The following SPATS2 variants were observed in gnomAD, a reference collection of about 807,000 sequenced individuals.
SPATS2 encodes spermatogenesis-associated serine-rich protein 2.
Under a neutral mutation model 63.7 loss-of-function variants are expected in SPATS2, and 38 were observed. The ratio of observed to expected loss-of-function variants is 0.60; its 90% CI spans 0.46 to 0.78. The LOEUF is 0.78. SPATS2 is among the 30% of genes least tolerant of loss of function. The pLI, the probability that SPATS2 is intolerant of heterozygous loss-of-function variation, is 0.00. For synonymous variants in SPATS2, 207 were observed against 232.9 expected, an observed-to-expected ratio of 0.89 and a Z score of 1.01; for missense variants, 588 against 666.2, an observed-to-expected ratio of 0.88 and a Z score of 1.29.
At chr12:49,397,377 A>G (rs1944529199) in intron 2 of SPATS2, among the ~76,000 whole-genome samples, 2 of 152,182 alleles carry the variant, frequency 1.3e-5, no homozygotes, top group South Asian at 4.1e-4. Context: ...TTATACAAGT[A>G]GATATTAAAA....
At chr12:49,481,641 T>G (rs1041348795) in intron 3 of SPATS2, among the ~76,000 whole-genome samples, 1 of 151,768 alleles carries the variant, frequency 6.6e-6, no homozygotes, top group African/African-American at 2.4e-5. Context: ...CTAATTTTTG[T>G]ATTTTTAGTA....
rs1946366845 is a variant in SPATS2, at chr12:49,490,673, C to T, written c.215-9C>T. On this transcript the variant is annotated splice_polypyrimidine_tract_variant and intron_variant, in intron 5 of 13. Transcript: ENST00000552918. Reference sequence around the variant, plus strand: ...AGGAGACAAAATCTGTAATTGGTTTCTCTTACAGGTAGTGCCAGTGAAGTA... The same window carrying T: ...AGGAGACAAAATCTGTAATTGGTTTTTCTTACAGGTAGTGCCAGTGAAGTA... 6.2e-7 allele frequency: 1 copy of T among 1,613,600 alleles called. No individual in the cohort carries two copies. The highest frequency in any genetic ancestry group is 8.5e-7 in the Non-Finnish European group (1 of 1,179,818).
rs192827848 is a variant in SPATS2 at position 49,521,298 on chromosome 12, C to T, written c.1009-1453C>T. On this transcript the variant is annotated intron_variant, in intron 11 of 13. Coordinates refer to ENST00000552918, the MANE Select transcript of SPATS2 (RefSeq NM_023071.4). ...AGGTGGAAGATCATCCAGGACCTTACAGGGATCCTTACTATCGTCTGACCC... is the reference window on the plus strand; with the variant it reads ...AGGTGGAAGATCATCCAGGACCTTATAGGGATCCTTACTATCGTCTGACCC... 2.6e-5 allele frequency among the ~76,000 whole-genome samples: 4 copies of T among 152,326 alleles called. No individual in the cohort carries two copies. The East Asian group carries it at 7.7e-4, about 29-fold the overall frequency.
At chr12:49,399,711 A>G (rs1944572202) in intron 2 of SPATS2, among the ~76,000 whole-genome samples, 1 of 152,196 alleles carries the variant, frequency 6.6e-6, no homozygotes, top group African/African-American at 2.4e-5. Context: ...ATAAGATGTC[A>G]TTAATTGTGC....
At chr12:49,504,388 GTAAT>G (rs2137974800) in intron 9 of SPATS2, among the ~76,000 whole-genome samples, 1 of 152,288 alleles carries the variant, frequency 6.6e-6, no homozygotes, top group Non-Finnish European at 1.5e-5. Flanking sequence ...TTGTTAATTA[GTAAT>G]ATTTGTCTGC....
Position 49,489,682 on chromosome 12 carries a change from C to T in SPATS2, c.214+109C>T. 7 of 825,862 alleles carry T rather than the reference C, an allele frequency of 8.5e-6. No homozygotes were observed. In the South Asian group the frequency reaches 1.1e-4, roughly 13 times the overall value. 51.2% of individuals were successfully genotyped at this position (825,862 alleles called of 1,614,324 possible). A position where few individuals can be genotyped will look rare whatever the true frequency, so the allele number is the denominator to read the frequency against. ...GTGATTCATAGATGATAGAGCAGACCCCATGAAAACATAACATACCATGAC... is the reference window on the plus strand; with the variant it reads ...GTGATTCATAGATGATAGAGCAGACTCCATGAAAACATAACATACCATGAC... On this transcript the variant is annotated intron_variant, in intron 5 of 13. Transcript: ENST00000552918.
intron 4 of SPATS2, among the ~76,000 whole-genome samples, chr12:49,487,472 G>C (rs1018252256): frequency 1.3e-5 from 2 of 152,126 alleles, no homozygotes; most frequent in African/African-American, 4.8e-5. Flanking sequence ...TTGACAGAGT[G>C]AGACTCCGCC....
At chr12:49,512,105 A>G (rs1183984121) in intron 9 of SPATS2, among the ~76,000 whole-genome samples, 8 of 152,236 alleles carry the variant, frequency 5.3e-5, no homozygotes, top group Admixed American at 5.2e-4. Context: ...TGTGCTTTTA[A>G]TAAGAAATTT....
chr12:49,372,970 G>C (rs1465216523), intron 2 of SPATS2, among the ~76,000 whole-genome samples: 1 of 124,596 alleles, frequency 8.0e-6, no homozygotes, highest in Non-Finnish European at 1.7e-5. Flanking sequence ...GTGTGTGTGT[G>C]TGTGTGTGTG....
chr12:49,441,632 G>A (rs1386246894), intron 2 of SPATS2: 1 of 151,938 alleles, frequency 6.6e-6, no homozygotes, highest in Non-Finnish European at 1.5e-5. Context: ...TTTATTGGTT[G>A]TACTGAAGAT....
intron 3 of SPATS2, among the ~76,000 whole-genome samples, chr12:49,478,927 G>C (rs186027349): frequency 6.6e-6 from 1 of 152,300 alleles, no homozygotes; most frequent in Admixed American, 6.5e-5. Flanking sequence ...ACAGCTCAGC[G>C]GAGACCCGCA....
chr12:49,408,861 A>G (rs1318108271), intron 2 of SPATS2, among the ~76,000 whole-genome samples: 1 of 152,084 alleles, frequency 6.6e-6, no homozygotes, highest in Non-Finnish European at 1.5e-5. Flanking sequence ...TGGCCAAGAG[A>G]TGATAGTATT....
intron 3 of SPATS2, 36 bp from the exon 4 acceptor site, chr12:49,484,554 G>C (rs372737150): frequency 6.3e-7 from 1 of 1,594,066 alleles, no homozygotes; most frequent in South Asian, 1.1e-5. Context: ...ATTATATTTG[G>C]ATCATGTTGA....
At chr12:49,369,022 A>G (rs1943951977) in intron 1 of SPATS2, among the ~76,000 whole-genome samples, 1 of 148,860 alleles carries the variant, frequency 6.7e-6, no homozygotes, top group Admixed American at 6.7e-5. Flanking sequence ...ATTAGTGACA[A>G]TGTGCCTCTT....
At chr12:49,510,562 CAAAAAAAA>C (rs1270614197) in intron 9 of SPATS2, among the ~76,000 whole-genome samples, 3 of 88,446 alleles carry the variant, frequency 3.4e-5, no homozygotes, top group Non-Finnish European at 7.8e-5. Context: ...GACCCTGTCT[CAAAAAAAA>C]AAAAAAAAAA....
At chr12:49,372,198 C>T (rs1020715657) in intron 2 of SPATS2, among the ~76,000 whole-genome samples, 2 of 152,082 alleles carry the variant, frequency 1.3e-5, no homozygotes. Flanking sequence ...GCATGCACCA[C>T]CACACCTGGC....
intron 2 of SPATS2, among the ~76,000 whole-genome samples, chr12:49,380,689 G>GAGC (rs1468601289): frequency 6.6e-6 from 1 of 151,110 alleles, no homozygotes; most frequent in Non-Finnish European, 1.5e-5. Context: ...CTGGGAGACA[G>GAGC]AGCAAGACTC....
intron 2 of SPATS2, among the ~76,000 whole-genome samples, chr12:49,451,631 G>A (rs1243935865): frequency 6.6e-6 from 1 of 152,202 alleles, no homozygotes; most frequent in Admixed American, 6.5e-5. Context: ...CTCCCAAACT[G>A]TTGGGATTAC....
intron 4 of SPATS2, chr12:49,486,498 A>G (rs1192695404): frequency 1.1e-5 from 3 of 264,158 alleles, no homozygotes; most frequent in Non-Finnish European, 2.3e-5. Flanking sequence ...CGCATCCAGC[A>G]GAGTCTGTAA....
Sources: allele counts gnomAD v4.1 joint callset (sites outside exome capture counted in the v4.1 genomes callset), GRCh38; gene constraint gnomAD v4.1.1; transcripts MANE v1.5; gene names NCBI Gene and HGNC (gene_info 2026-07-23, HGNC 2026-07-21).